IPCEF1: variants seen among roughly 807,000 people sequenced by gnomAD.
IPCEF1 encodes the protein interaction protein for cytohesin exchange factors 1.
In IPCEF1, 31 loss-of-function variants were observed where a neutral mutation model predicts 50.9. The observed-to-expected ratio is 0.61, with a 90% CI of 0.46 to 0.82. IPCEF1 has a LOEUF of 0.82. IPCEF1 is among the 40% of genes least tolerant of loss of function. IPCEF1 has a pLI of 0.00. For synonymous variants in IPCEF1, 181 were observed against 192.0 expected (o/e 0.94, Z 0.47); for missense variants, 458 against 514.0 (o/e 0.89, Z 1.05).
intron 5 of IPCEF1, among the ~76,000 whole-genome samples, chr6:154,237,704 C>A (rs1221479790): frequency 6.6e-6 from 1 of 152,148 alleles, no homozygotes; most frequent in Non-Finnish European, 1.5e-5. Context: ...GGATTAGAAT[C>A]CAGGTGCCAT....
chr6:154,230,557 G>A (rs921199298), intron 5 of IPCEF1, among the ~76,000 whole-genome samples: 7 of 152,142 alleles, frequency 4.6e-5, no homozygotes, highest in Admixed American at 6.5e-5. Flanking sequence ...AAAAGCAGAA[G>A]GGCTGACCAG....
intron 2 of IPCEF1, among the ~76,000 whole-genome samples, chr6:154,267,891 G>C (rs904020241): frequency 1.3e-5 from 2 of 152,236 alleles, no homozygotes; most frequent in Admixed American, 6.5e-5. Context: ...TGGTTGTCAG[G>C]ATGTCTGTTC....
At chr6:154,265,680 A>G (rs924386434) in intron 3 of IPCEF1, among the ~76,000 whole-genome samples, 1 of 152,326 alleles carries the variant, frequency 6.6e-6, no homozygotes, top group East Asian at 1.9e-4. Flanking sequence ...ATTGATGTAC[A>G]GTATATTAAA....
intron 11 of IPCEF1, among the ~76,000 whole-genome samples, chr6:154,163,011 C>T (rs1443002212): frequency 1.3e-5 from 2 of 152,226 alleles, no homozygotes; most frequent in East Asian, 3.8e-4. Context: ...AGAGCAAACA[C>T]TGGAGTCATT....
At chr6:154,267,147 A>C (rs9479802) in intron 2 of IPCEF1, among the ~76,000 whole-genome samples, 1,781 of 152,044 alleles carry the variant, frequency 0.012, 16 homozygotes, top group Non-Finnish European at 0.02. Context: ...CTTAAAAAAA[A>C]ATTAAAACCT....
At chr6:154,286,694 G>A (rs888471239) in intron 2 of IPCEF1, among the ~76,000 whole-genome samples, 5 of 152,204 alleles carry the variant, frequency 3.3e-5, no homozygotes, top group African/African-American at 1.2e-4. Flanking sequence ...AGAGCAGTGT[G>A]ATGGAAGAAA....
chr6:154,325,802 C>T (rs1252079983), intron 1 of IPCEF1, among the ~76,000 whole-genome samples: 1 of 152,138 alleles, frequency 6.6e-6, no homozygotes, highest in South Asian at 2.1e-4. Flanking sequence ...TATAAAATCA[C>T]TACTCTAGAA....
chr6:154,242,754 G>T (rs1780693850), intron 5 of IPCEF1, among the ~76,000 whole-genome samples: 1 of 152,090 alleles, frequency 6.6e-6, no homozygotes, highest in Non-Finnish European at 1.5e-5. Context: ...GGGCATGGTG[G>T]CGCACACCTG....
chr6:154,297,488 A>G (rs963697292), intron 1 of IPCEF1, among the ~76,000 whole-genome samples: 7 of 152,218 alleles, frequency 4.6e-5, no homozygotes, highest in African/African-American at 1.7e-4. Flanking sequence ...GCTCATGGTC[A>G]CCATGTCCTC....
At chr6:154,307,422 G>A (rs1782964540) in intron 1 of IPCEF1, among the ~76,000 whole-genome samples, 1 of 152,178 alleles carries the variant, frequency 6.6e-6, no homozygotes, top group Non-Finnish European at 1.5e-5. Flanking sequence ...GCAACTGTGA[G>A]TTCTCCATTA....
Position 154,159,731 on chromosome 6 carries a change from G to A in IPCEF1, c.*97C>T. 2 of 883,528 alleles carry A rather than the reference G, an allele frequency of 2.3e-6. No individual in the cohort carries two copies. Among genetic ancestry groups the A allele is most frequent in the Non-Finnish European group, 3.6e-6 (2 of 560,026 alleles). 54.7% of individuals were successfully genotyped at this position (883,528 alleles called of 1,614,324 possible). Reference sequence around the variant, plus strand: ...TGGGAAGCTGATGCTTGAAGGACTGGGTTTCAGTTTTCCTTTTAAGGAAAA... The same window carrying A: ...TGGGAAGCTGATGCTTGAAGGACTGAGTTTCAGTTTTCCTTTTAAGGAAAA... On this transcript the variant is annotated 3_prime_UTR_variant, in exon 12 of 12. Coordinates refer to ENST00000367220, the MANE Select transcript of IPCEF1 (RefSeq NM_001130700.2).
chr6:154,306,140 G>A (rs980826268), intron 1 of IPCEF1, among the ~76,000 whole-genome samples: 5 of 151,862 alleles, frequency 3.3e-5, no homozygotes, highest in African/African-American at 7.3e-5. Flanking sequence ...TGCCCACCCC[G>A]ACATCTAACT....
chr6:154,320,043 T>C (rs771280909), intron 1 of IPCEF1, among the ~76,000 whole-genome samples: 6 of 152,338 alleles, frequency 3.9e-5, no homozygotes, highest in Non-Finnish European at 8.8e-5. Context: ...AGCACTAATT[T>C]AGAATAAATT....
At chr6:154,246,442 C>T (rs1583898264) in intron 5 of IPCEF1, 149 bp downstream of exon 5, 2 of 861,594 alleles carry the variant, frequency 2.3e-6, no homozygotes, top group Non-Finnish European at 3.5e-6. Context: ...ATATCTACTG[C>T]ACCAGAAATG....
At chr6:154,192,041 A>T (rs969007801) in intron 10 of IPCEF1, among the ~76,000 whole-genome samples, 21 of 152,222 alleles carry the variant, frequency 1.4e-4, no homozygotes, top group African/African-American at 4.8e-4. Context: ...CTATAAAACA[A>T]TGAAAATGAA....
intron 9 of IPCEF1, among the ~76,000 whole-genome samples, chr6:154,205,544 G>A (rs376600953): frequency 2.0e-5 from 3 of 152,112 alleles, no homozygotes; most frequent in Non-Finnish European, 4.4e-5. Flanking sequence ...GCAGTGAGCC[G>A]AAATCACACC....
At chr6:154,327,252 A>G (rs1783544788) in intron 1 of IPCEF1, among the ~76,000 whole-genome samples, 2 of 152,240 alleles carry the variant, frequency 1.3e-5, no homozygotes, top group African/African-American at 4.8e-5. Context: ...GCACACCAAA[A>G]GAAACTATCA....
chr6:154,206,923 G>GTCT (rs1777546967), intron 9 of IPCEF1, among the ~76,000 whole-genome samples: 1 of 152,248 alleles, frequency 6.6e-6, no homozygotes, highest in African/African-American at 2.4e-5. Context: ...GACAGGCCAA[G>GTCT]GGCCTAAAAT....
At chr6:154,175,513 A>G (rs1209063034) in intron 10 of IPCEF1, among the ~76,000 whole-genome samples, 1 of 152,146 alleles carries the variant, frequency 6.6e-6, no homozygotes, top group Non-Finnish European at 1.5e-5. Context: ...CCACAGAAAT[A>G]CAAACTACCA....
Sources: gnomAD v4.1 joint callset for allele counts (sites outside exome capture counted in the v4.1 genomes callset) on GRCh38, gnomAD v4.1.1 for gene constraint, MANE v1.5 for transcripts, NCBI Gene and HGNC (gene_info 2026-07-23, HGNC 2026-07-21) for gene names.